Variants in HERC4 observed in about 807,000 individuals in gnomAD.
HERC4 encodes probable E3 ubiquitin-protein ligase HERC4.
Under a neutral mutation model 124.3 loss-of-function variants are expected in HERC4, and 28 were observed. The ratio of observed to expected loss-of-function variants is 0.23; its 90% CI spans 0.17 to 0.31. The LOEUF is 0.31. HERC4 is among the 10% of genes least tolerant of loss of function. The pLI is 1.00. For synonymous variants in HERC4, 407 were observed against 421.5 expected, an observed-to-expected ratio of 0.97 and a Z score of 0.42; for missense variants, 713 against 1,229.3, an observed-to-expected ratio of 0.58 and a Z score of 6.28.
At chr10:67,984,991 T>C (rs139549622) in intron 15 of HERC4, among the ~76,000 whole-genome samples, 26 of 152,264 alleles carry the variant, frequency 1.7e-4, no homozygotes, top group African/African-American at 5.3e-4. Context: ...ACGCAACCAG[T>C]GTTTGCAGTT....
intron 8 of HERC4, among the ~76,000 whole-genome samples, chr10:68,024,755 T>C (rs910898132): frequency 6.6e-6 from 1 of 152,194 alleles, no homozygotes; most frequent in Non-Finnish European, 1.5e-5. Context: ...TTAAGTTATG[T>C]GGTCAAAAAA....
rs561113756 is a variant in HERC4 at position 67,953,053 on chromosome 10, C to CAT, written c.2337+1540_2337+1541dup. Among the ~76,000 whole-genome samples, 137 of 151,076 alleles carry CAT rather than the reference C, an allele frequency of 9.1e-4. 3 individuals carry two copies. In the South Asian group the frequency reaches 0.016, roughly 17 times the overall value. On this transcript the variant is annotated intron_variant, in intron 19 of 24. Transcript: ENST00000373700. ...TTGGTATGTAATATATTGCTATCTA[C>CAT]ATATATATATATATTTAAAGGAGGA...
intron 7 of HERC4, among the ~76,000 whole-genome samples, chr10:68,030,091 T>C (rs1339137161): frequency 7.2e-5 from 11 of 152,072 alleles, no homozygotes; most frequent in Non-Finnish European, 1.5e-4. Flanking sequence ...AAGTCAAAAA[T>C]TGTAAGGCAA....
intron 3 of HERC4, among the ~76,000 whole-genome samples, chr10:68,058,837 CAAAA>C (rs1269334135): frequency 1.5e-5 from 2 of 135,262 alleles, no homozygotes; most frequent in Middle Eastern, 3.8e-3. Context: ...ACTCTAATTC[CAAAA>C]AAAAAAAAAA....
intron 3 of HERC4, among the ~76,000 whole-genome samples, chr10:68,072,130 T>C (rs1328510101): frequency 3.9e-5 from 6 of 152,204 alleles, no homozygotes; most frequent in Non-Finnish European, 8.8e-5. Flanking sequence ...CCTGAAATCA[T>C]TAACTTTTAG....
intron 3 of HERC4, among the ~76,000 whole-genome samples, chr10:68,071,604 C>T (rs1173728014): frequency 2.6e-5 from 4 of 152,116 alleles, no homozygotes; most frequent in Non-Finnish European, 5.9e-5. Flanking sequence ...GGAGCAGAGA[C>T]AATCATCAAA....
intron 3 of HERC4, among the ~76,000 whole-genome samples, chr10:68,050,976 A>G (rs1268261455): frequency 6.6e-6 from 1 of 152,142 alleles, no homozygotes; most frequent in Non-Finnish European, 1.5e-5. Flanking sequence ...TTTATTATTT[A>G]CTATGTTCCA....
intron 9 of HERC4, among the ~76,000 whole-genome samples, chr10:68,013,057 T>C (rs2038061773): frequency 6.6e-6 from 1 of 152,210 alleles, no homozygotes; most frequent in Admixed American, 6.5e-5. Flanking sequence ...TCTCAGATAC[T>C]GTGATTTTTA....
intron 5 of HERC4, 133 bp downstream of exon 5, chr10:68,037,960 A>C: frequency 1.7e-6 from 1 of 587,678 alleles, no homozygotes; most frequent in Non-Finnish European, 3.0e-6. Context: ...TCTAAAAGTT[A>C]TATGGAAATG....
intron 6 of HERC4, among the ~76,000 whole-genome samples, 169 bp downstream of exon 6, chr10:68,033,796 T>A (rs556547730): frequency 6.6e-6 from 1 of 152,196 alleles, no homozygotes; most frequent in Non-Finnish European, 1.5e-5. Context: ...ATAAAGGATA[T>A]TTTGTATCTT....
chr10:68,031,802 G>A (rs2039218980), intron 7 of HERC4, among the ~76,000 whole-genome samples: 1 of 152,140 alleles, frequency 6.6e-6, no homozygotes, highest in Admixed American at 6.6e-5. Flanking sequence ...CTCCCAGGCT[G>A]CAGTGCAGTG....
chr10:67,985,055 G>A (rs1028623941), intron 15 of HERC4, among the ~76,000 whole-genome samples: 1 of 152,128 alleles, frequency 6.6e-6, no homozygotes, highest in East Asian at 1.9e-4. Context: ...GTTAATGTTA[G>A]AATAAAAATA....
rs961701656 is a variant in HERC4, at chr10:67,936,137, G to A, written c.2654+16C>T. ...GAATCTTATTACTCCCACTGTTGCT[G>A]CTAAAATTCACTTACCGATTTTGTT... On this transcript the variant is annotated intron_variant, in intron 22 of 24. Transcript: ENST00000373700. The A allele has an allele frequency of 4.6e-6, 7 of 1,532,964 alleles. No homozygotes were observed. Among genetic ancestry groups the A allele is most frequent in the Non-Finnish European group, 4.4e-6 (5 of 1,130,682 alleles). 95.0% of individuals were successfully genotyped at this position (1,532,964 alleles called of 1,614,324 possible). A position where few individuals can be genotyped will look rare whatever the true frequency, so the allele number is the denominator to read the frequency against.
chr10:68,066,110 T>C (rs1272220608), intron 3 of HERC4, among the ~76,000 whole-genome samples: 1 of 152,172 alleles, frequency 6.6e-6, no homozygotes, highest in Non-Finnish European at 1.5e-5. Flanking sequence ...ATATAAACAT[T>C]TGAGTACACC....
intron 9 of HERC4, among the ~76,000 whole-genome samples, chr10:67,996,509 C>G (rs141406021): frequency 2.8e-4 from 42 of 152,226 alleles, no homozygotes; most frequent in South Asian, 1.5e-3. Flanking sequence ...CTCTAAGTCC[C>G]TTTCCACTCT....
At chr10:68,033,709 T>C (rs932599038) in intron 6 of HERC4, among the ~76,000 whole-genome samples, 2 of 152,256 alleles carry the variant, frequency 1.3e-5, no homozygotes, top group African/African-American at 4.8e-5. Context: ...TTTGAAGTAA[T>C]GTTTTTCAAT....
chr10:68,059,618 A>ATTATATATCATATTATATATC lies in HERC4; in HGVS notation c.226+13264_226+13265insGATATATAATATGATATATAA, dbSNP rs1353106442. ...TATATATCATAATATTATATATCAT[A>ATTATATATCATATTATATATC]ATATTATATATCATAATATTATATA... On this transcript the variant is annotated intron_variant, in intron 3 of 24. Transcript: ENST00000373700. Among the ~76,000 whole-genome samples, 400 of 89,894 alleles carry ATTATATATCATATTATATATC rather than the reference A, an allele frequency of 4.4e-3. 121 individuals are homozygous for ATTATATATCATATTATATATC. Among genetic ancestry groups the ATTATATATCATATTATATATC allele is most frequent in the African/African-American group, 0.025 (388 of 15,836 alleles). The allele number at this position is 89,894 out of a possible 152,430, so 59.0% of individuals were successfully genotyped here. A position where few individuals can be genotyped will look rare whatever the true frequency, so the allele number is the denominator to read the frequency against.
At chr10:68,065,283 G>T (rs1242637130) in intron 3 of HERC4, among the ~76,000 whole-genome samples, 2 of 151,722 alleles carry the variant, frequency 1.3e-5, no homozygotes, top group Non-Finnish European at 2.9e-5. Flanking sequence ...TTTTATAATA[G>T]AAAACAATTA....
chr10:68,059,525 A>ATT (rs1363368197), intron 3 of HERC4, among the ~76,000 whole-genome samples: 3 of 110,116 alleles, frequency 2.7e-5, no homozygotes, highest in Admixed American at 1.1e-4. Flanking sequence ...ATATCATAAT[A>ATT]ATATTATATA....
Sources: allele counts gnomAD v4.1 joint callset (sites outside exome capture counted in the v4.1 genomes callset), GRCh38; gene constraint gnomAD v4.1.1; transcripts MANE v1.5; gene names NCBI Gene and HGNC (gene_info 2026-07-23, HGNC 2026-07-21).